CDH6: variants seen among roughly 807,000 people sequenced by gnomAD.
CDH6 encodes cadherin-6.
Under a neutral mutation model 78.0 loss-of-function variants are expected in CDH6, and 31 were observed. The observed-to-expected ratio is 0.40, with a 90% CI of 0.30 to 0.54. The LOEUF is 0.54. Among genes scored for constraint, CDH6 ranks in the 20% least tolerant of loss-of-function variants. The pLI, the probability that CDH6 is intolerant of heterozygous loss-of-function variation, is 0.56. For synonymous variants in CDH6, 376 were observed against 368.8 expected, an observed-to-expected ratio of 1.02 and a Z score of -0.23; for missense variants, 724 against 975.9, an observed-to-expected ratio of 0.74 and a Z score of 3.44.
At chr5:31,285,235 A>G (rs6894702) in intron 2 of CDH6, among the ~76,000 whole-genome samples, 44,196 of 151,944 alleles carry the variant, frequency 0.29, 7,107 homozygotes, top group Admixed American at 0.37. Context: ...CATACTCAAG[A>G]CCTCTTCTGA....
intron 1 of CDH6, among the ~76,000 whole-genome samples, chr5:31,239,765 A>C (rs977921406): frequency 6.6e-6 from 1 of 152,214 alleles, no homozygotes; most frequent in Non-Finnish European, 1.5e-5. Flanking sequence ...ACTCACTTGC[A>C]CAAAGGCTGT....
Position 31,325,501 on chromosome 5 carries a change from G to A in CDH6, c.*2193G>A. The A allele has an allele frequency of 4.3e-6, 1 of 230,816 alleles. No individual in the cohort carries two copies. The allele number at this position is 230,816 out of a possible 1,614,324, so 14.3% of individuals were successfully genotyped here. A position where few individuals can be genotyped will look rare whatever the true frequency, so the allele number is the denominator to read the frequency against. On this transcript the variant is annotated 3_prime_UTR_variant, in exon 12 of 12. Coordinates refer to ENST00000265071, the MANE Select transcript of CDH6 (RefSeq NM_004932.4). The stretch of plus-strand genomic sequence containing the variant: ...CAGCACCTTAATCACACGATTTACT[G>A]TAAAATTAAAGAGGTCTCTATCTGT...
At chr5:31,270,626 A>AT (rs1455987597) in intron 2 of CDH6, among the ~76,000 whole-genome samples, 1 of 152,172 alleles carries the variant, frequency 6.6e-6, no homozygotes, top group African/African-American at 2.4e-5. Flanking sequence ...TGAGCTAGTA[A>AT]TTCGCAAGGG....
At chr5:31,299,420 A>G in intron 4 of CDH6, 44 bp from the exon 5 acceptor site, 1 of 1,485,496 alleles carries the variant, frequency 6.7e-7, no homozygotes, top group Admixed American at 1.7e-5. Flanking sequence ...TCCATAAAGT[A>G]TTCTTAATGC....
rs556676887 is a variant in CDH6, at chr5:31,209,915, A to G, written c.-129+16029A>G. 5.9e-5 allele frequency among the ~76,000 whole-genome samples: 9 copies of G among 152,308 alleles called. No homozygotes were observed. In the East Asian group the frequency reaches 1.2e-3, roughly 20 times the overall value. On this transcript the variant is annotated intron_variant, in intron 1 of 11. Coordinates refer to ENST00000265071, the MANE Select transcript of CDH6 (RefSeq NM_004932.4). ...TTTTTGTCTAGTAGAAAAGAGAAAAAAAAATCTTTCTCACAATTAAGGATT... is the reference window on the plus strand; with the variant it reads ...TTTTTGTCTAGTAGAAAAGAGAAAAGAAAATCTTTCTCACAATTAAGGATT...
chr5:31,290,149 A>G (rs1743118598), intron 2 of CDH6, among the ~76,000 whole-genome samples: 1 of 152,160 alleles, frequency 6.6e-6, no homozygotes, highest in African/African-American at 2.4e-5. Context: ...AATCCCAGCT[A>G]CACGGCAGGC....
intron 7 of CDH6, among the ~76,000 whole-genome samples, chr5:31,307,591 A>G (rs886472860): frequency 6.6e-6 from 1 of 152,230 alleles, no homozygotes. Flanking sequence ...TATAGCTTTC[A>G]CTAGTATAGT....
At chr5:31,313,789 C>A (rs1191152088) in intron 8 of CDH6, among the ~76,000 whole-genome samples, 2 of 118,440 alleles carry the variant, frequency 1.7e-5, no homozygotes, top group Non-Finnish European at 4.1e-5. Flanking sequence ...GACTCTCAGT[C>A]AGACACTGTG....
At chr5:31,246,879 C>T (rs1741763385) in intron 1 of CDH6, among the ~76,000 whole-genome samples, 2 of 152,098 alleles carry the variant, frequency 1.3e-5, no homozygotes, top group Non-Finnish European at 2.9e-5. Context: ...CTCAGCCTAC[C>T]AGGTAGCTTA....
chr5:31,310,681 T>C (rs1424949966), intron 7 of CDH6, among the ~76,000 whole-genome samples: 1 of 152,204 alleles, frequency 6.6e-6, no homozygotes, highest in Admixed American at 6.5e-5. Context: ...TTCCCAAACC[T>C]CAACTTCTTG....
chr5:31,216,167 C>G (rs1740858069), intron 1 of CDH6, among the ~76,000 whole-genome samples: 1 of 150,612 alleles, frequency 6.6e-6, no homozygotes, highest in South Asian at 2.1e-4. Flanking sequence ...AGGGTCTGTT[C>G]TAAAAAATGA....
chr5:31,326,144 G>A lies in CDH6; in HGVS notation c.*2836G>A, dbSNP rs1425593225. On this transcript the variant is annotated 3_prime_UTR_variant, in exon 12 of 12. Transcript: ENST00000265071. Reference sequence around the variant, plus strand: ...GATGTTGGTGATGGGAAAGATGGAAGGAGAGTGGGAAGAAGTAAAATTTTA... The same window carrying A: ...GATGTTGGTGATGGGAAAGATGGAAAGAGAGTGGGAAGAAGTAAAATTTTA... The A allele has an allele frequency of 1.3e-5, 3 of 229,948 alleles. No individual in the cohort carries two copies. The highest frequency in any genetic ancestry group is 6.6e-5 in the African/African-American group (3 of 45,186). The allele number at this position is 229,948 out of a possible 1,614,324, so 14.2% of individuals were successfully genotyped here.
intron 2 of CDH6, among the ~76,000 whole-genome samples, chr5:31,268,103 A>G (rs1359266144): frequency 2.0e-5 from 3 of 152,194 alleles, no homozygotes; most frequent in Non-Finnish European, 4.4e-5. Flanking sequence ...GTTCTGAGCT[A>G]TAGTCCTTTG....
intron 1 of CDH6, among the ~76,000 whole-genome samples, chr5:31,262,904 C>T (rs1261680204): frequency 2.0e-5 from 3 of 152,236 alleles, no homozygotes; most frequent in Admixed American, 6.5e-5. Flanking sequence ...GCGCTGCTTC[C>T]GGGCCATTGT....
intron 1 of CDH6, among the ~76,000 whole-genome samples, chr5:31,224,501 G>A (rs1275927278): frequency 6.6e-6 from 1 of 152,150 alleles, no homozygotes; most frequent in Non-Finnish European, 1.5e-5. Context: ...ACAGCTAGAA[G>A]ACACAGTTAA....
At chr5:31,199,685 G>GTGTATATAGA (rs796740950) in intron 1 of CDH6, among the ~76,000 whole-genome samples, 1 of 79,850 alleles carries the variant, frequency 1.3e-5, no homozygotes, top group African/African-American at 4.7e-5. Flanking sequence ...GTGTGTGTGT[G>GTGTATATAGA]TATATATATA....
chr5:31,207,935 C>T (rs1052249448), intron 1 of CDH6, among the ~76,000 whole-genome samples: 6 of 152,018 alleles, frequency 3.9e-5, no homozygotes, highest in East Asian at 1.9e-4. Context: ...AACACCAGGC[C>T]GTCGGGGCTA....
chr5:31,281,282 G>A (rs888729310), intron 2 of CDH6, among the ~76,000 whole-genome samples: 1 of 149,308 alleles, frequency 6.7e-6, no homozygotes, highest in Admixed American at 6.8e-5. Context: ...TCTCCTCCAA[G>A]ACATATGTGT....
chr5:31,324,400 C>T lies in CDH6; in HGVS notation c.*1092C>T, dbSNP rs187097091. 1.4e-5 allele frequency: 3 copies of T among 215,304 alleles called. No homozygotes were observed. The highest frequency in any genetic ancestry group is 6.7e-5 in the African/African-American group (3 of 44,484). 13.3% of individuals were successfully genotyped at this position (215,304 alleles called of 1,614,324 possible). A position where few individuals can be genotyped will look rare whatever the true frequency, so the allele number is the denominator to read the frequency against. The stretch of plus-strand genomic sequence containing the variant: ...GAGCCAGCCACACTTGAACCTAATA[C>T]CCTGCCCTTGACATCTGGAAACCTC... On this transcript the variant is annotated 3_prime_UTR_variant, in exon 12 of 12. Transcript: ENST00000265071.
Sources: gnomAD v4.1 joint callset for allele counts (sites outside exome capture counted in the v4.1 genomes callset) on GRCh38, gnomAD v4.1.1 for gene constraint, MANE v1.5 for transcripts, NCBI Gene and HGNC (gene_info 2026-07-23, HGNC 2026-07-21) for gene names.